The following RNF19A variants were observed in gnomAD, a reference collection of about 807,000 sequenced individuals.
RNF19A encodes the protein ring finger protein 19A, RBR E3 ubiquitin protein ligase.
RNF19A carries 32 observed loss-of-function variants against 75.7 expected under a neutral mutation model. The observed-to-expected ratio is 0.42, with a 90% CI of 0.32 to 0.57. The LOEUF (loss-of-function observed/expected upper bound fraction) is 0.57, where lower values mean the gene tolerates loss of function less well. Ranked by LOEUF, RNF19A falls within the 20% of genes least tolerant of loss-of-function variation. The probability of loss-of-function intolerance (pLI) is 0.10; values close to 1 mark genes in which losing one functional copy is unlikely to be tolerated. For missense variants in RNF19A, 782 were observed against 1,036.3 expected (o/e 0.75, Z 3.37); for synonymous variants, 335 against 345.2 (o/e 0.97, Z 0.33).
In RNF19A at chr8:100,324,532, C is replaced by G. The variant is rs753493241; in HGVS notation, c.-242-11160G>C. 5.9e-5 allele frequency among the ~76,000 whole-genome samples: 9 copies of G among 152,080 alleles called. No homozygotes were observed. The highest frequency in any genetic ancestry group is 1.3e-4 in the Admixed American group (2 of 15,264). On this transcript the variant is annotated intron_variant, in intron 1 of 3. Transcript: ENST00000519527. The surrounding 1 kb of genome is among the most constrained non-coding windows in gnomAD (Gnocchi z 4.2). The stretch of plus-strand genomic sequence containing the variant: ...GAAATCTGGAGGAGAGTGGAAGTTC[C>G]TTTCATTCTCTCCTCTGTCCAAACC...
intron 2 of RNF19A, among the ~76,000 whole-genome samples, chr8:100,286,173 G>T (rs1260033770): frequency 2.0e-5 from 3 of 152,100 alleles, no homozygotes; most frequent in African/African-American, 7.2e-5. Context: ...TTCTGCTCAA[G>T]TTATTTAAAG....
chr8:100,307,251 G>C (rs186535020), intron 1 of RNF19A, among the ~76,000 whole-genome samples: 1 of 152,272 alleles, frequency 6.6e-6, no homozygotes, highest in Non-Finnish European at 1.5e-5. Context: ...TATAACCCGA[G>C]TAGAGAAGAT....
In RNF19A at chr8:100,331,610, C is replaced by T. The variant is rs1822611397; in HGVS notation, c.-243+4498G>A. On this transcript the variant is annotated intron_variant, in intron 1 of 3. Transcript: ENST00000519527. This position sits in a 1 kb window ranked among gnomAD's most constrained non-coding sequence, Gnocchi z 5.2. ...CATGACTGTGCCACTGCACTCCAGCCTGGGTAACAGAGAGAGACAAACAAA... is the reference window on the plus strand; with the variant it reads ...CATGACTGTGCCACTGCACTCCAGCTTGGGTAACAGAGAGAGACAAACAAA... Among the ~76,000 whole-genome samples, 1 of 152,186 alleles carries T rather than the reference C, an allele frequency of 6.6e-6. No homozygotes were observed.
At chr8:100,312,087 G>A (rs887480854), upstream of RNF19A, among the ~76,000 whole-genome samples, 1 of 152,194 alleles carries the variant, frequency 6.6e-6, no homozygotes, top group African/African-American at 2.4e-5. Flanking sequence ...AGAAACCTAG[G>A]ATTGTTCCCA....
rs1236067919 is a variant in RNF19A at position 100,259,851 on chromosome 8, T to C, written c.1826+3A>G. The C allele has an allele frequency of 2.5e-6, 4 of 1,607,538 alleles. No homozygotes were observed. The highest frequency in any genetic ancestry group is 2.7e-5 in the African/African-American group (2 of 74,640). ...TTCAATTTTTTAACAGTTTTTTCCT[T>C]ACTTGTCCAATGGGATGTAGGAATT... is the stretch of plus-strand genomic sequence containing the variant. On this transcript the variant is annotated splice_donor_region_variant and intron_variant, in intron 9 of 9. Transcript: ENST00000341084. This position sits in a 1 kb window ranked among gnomAD's most constrained non-coding sequence, Gnocchi z 4.5.
At chr8:100,278,964 C>G (rs987744861) in intron 2 of RNF19A, among the ~76,000 whole-genome samples, 1 of 152,156 alleles carries the variant, frequency 6.6e-6, no homozygotes, top group East Asian at 1.9e-4. Context: ...ATTTTCTTCT[C>G]AAATTTTTCC....
At position 100,329,801 on chromosome 8, in the gene RNF19A, C is replaced by T. The variant is rs1016211379; in HGVS notation, c.-243+6307G>A. Among the ~76,000 whole-genome samples the T allele has an allele frequency of 6.6e-6, 1 of 152,106 alleles. No individual in the cohort carries two copies. The highest frequency in any genetic ancestry group is 1.5e-5 in the Non-Finnish European group (1 of 68,026). On this transcript the variant is annotated intron_variant, in intron 1 of 3. Coordinates refer to the RNF19A transcript ENST00000519527. This position sits in a 1 kb window ranked among gnomAD's most constrained non-coding sequence, Gnocchi z 4.3. ...CTTCATGGTTTGTTAATCCAGAGGGCAAACTGAGTACTAGATTTCAGCTCA... is the reference window on the plus strand; with the variant it reads ...CTTCATGGTTTGTTAATCCAGAGGGTAAACTGAGTACTAGATTTCAGCTCA...
At chr8:100,294,998 G>A (rs940175551) in intron 1 of RNF19A, among the ~76,000 whole-genome samples, 2 of 152,138 alleles carry the variant, frequency 1.3e-5, no homozygotes, top group African/African-American at 2.4e-5. Flanking sequence ...TATGTTCAGT[G>A]CCTATCATGT....
chr8:100,283,856 G>GGCATTTATAAAAA (rs1324203257), intron 2 of RNF19A, among the ~76,000 whole-genome samples: 2 of 152,088 alleles, frequency 1.3e-5, no homozygotes, highest in African/African-American at 4.8e-5. Context: ...TCCTGACACC[G>GGCATTTATAAAAA]TGGCTAACCA....
Position 100,317,554 on chromosome 8 carries a change from C to T in RNF19A, c.-242-4182G>A, listed in dbSNP as rs1158405251. Among the ~76,000 whole-genome samples, 3 of 152,200 alleles carry T rather than the reference C, an allele frequency of 2.0e-5. No individual in the cohort carries two copies. The highest frequency in any genetic ancestry group is 4.8e-5 in the African/African-American group (2 of 41,456). ...CCCAAAGGTCTTCTTGATGGATTCT[C>T]AGGCGACTGTTCCCATTTGCCTACT... On this transcript the variant is annotated intron_variant, in intron 1 of 3. Coordinates refer to the RNF19A transcript ENST00000519527. This position sits in a 1 kb window ranked among gnomAD's most constrained non-coding sequence, Gnocchi z 4.3.
At position 100,287,956 on chromosome 8, in the gene RNF19A, C is replaced by T; in HGVS notation, c.219G>A (p.Arg73=). 3.1e-6 allele frequency: 5 copies of T among 1,614,116 alleles called. No individual in the cohort carries two copies. The highest frequency in any genetic ancestry group is 3.4e-6 in the Non-Finnish European group (4 of 1,179,996). ...TTGATTTACGTTTGTTATCTTTTTT[C>T]CTCCGAAACAGGGAGCCTATTGAAA... is the stretch of plus-strand genomic sequence containing the variant. ...RRISIGSLFR[R]KKDNKRKSRE... The change falls in exon 2 of 10, where the codon AGG becomes AGA. Residue 73 remains arginine, a synonymous_variant. Coordinates refer to ENST00000341084, the MANE Select transcript of RNF19A (RefSeq NM_183419.4). This position sits in a 1 kb window ranked among gnomAD's most constrained non-coding sequence, Gnocchi z 4.1.
chr8:100,297,226 T>C (rs1266437637), intron 1 of RNF19A, among the ~76,000 whole-genome samples: 1 of 152,244 alleles, frequency 6.6e-6, no homozygotes, highest in African/African-American at 2.4e-5. Context: ...AAGAAAGCAA[T>C]GTTACTAGAT....
rs946952110 is a variant in RNF19A, at chr8:100,324,724, C to T, written c.-242-11352G>A. On this transcript the variant is annotated intron_variant, in intron 1 of 3. Transcript: ENST00000519527. The surrounding 1 kb of genome is among the most constrained non-coding windows in gnomAD (Gnocchi z 4.2). ...GAAAATTCAAAATAAATAAACAGAA[C>T]TTCATGACAAGACATTTTAACAAGA... is the stretch of plus-strand genomic sequence containing the variant. Among the ~76,000 whole-genome samples, 4 of 152,166 alleles carry T rather than the reference C, an allele frequency of 2.6e-5. No individual in the cohort carries two copies. The South Asian group carries it at 8.3e-4, about 31-fold the overall frequency.
At chr8:100,303,778 AAAAAAAAT>A (rs1303584581) in intron 1 of RNF19A, among the ~76,000 whole-genome samples, 3 of 151,178 alleles carry the variant, frequency 2.0e-5, no homozygotes, top group Non-Finnish European at 4.4e-5. Flanking sequence ...AAAAAAAAAA[AAAAAAAAT>A]GATTAGCTGG....
chr8:100,280,376 G>C (rs1220427415), intron 2 of RNF19A, among the ~76,000 whole-genome samples: 4 of 152,182 alleles, frequency 2.6e-5, no homozygotes, highest in Non-Finnish European at 4.4e-5. Flanking sequence ...AGAGAGATGA[G>C]GAGAGAGGAA....
chr8:100,328,466 T>C (rs2130391979), intron 1 of RNF19A, among the ~76,000 whole-genome samples: 1 of 152,108 alleles, frequency 6.6e-6, no homozygotes, highest in East Asian at 1.9e-4. Flanking sequence ...GTTTTTGTTT[T>C]TTGTTTGTTT....
intron 1 of RNF19A, among the ~76,000 whole-genome samples, chr8:100,288,940 G>C (rs1346424460): frequency 6.6e-6 from 1 of 151,592 alleles, no homozygotes; most frequent in African/African-American, 2.4e-5. Flanking sequence ...GGCCCCTGTA[G>C]TCCCAGCTAT....
chr8:100,280,010 T>G (rs1466681142), intron 2 of RNF19A, among the ~76,000 whole-genome samples: 1 of 152,196 alleles, frequency 6.6e-6, no homozygotes, highest in Non-Finnish European at 1.5e-5. Context: ...TTAAGATAGC[T>G]ATCTTAAAGC....
intron 2 of RNF19A, among the ~76,000 whole-genome samples, chr8:100,280,377 G>A (rs1820725838): frequency 6.6e-6 from 1 of 152,198 alleles, no homozygotes; most frequent in African/African-American, 2.4e-5. Context: ...GAGAGATGAG[G>A]AGAGAGGAAG....
Sources: allele counts gnomAD v4.1 joint callset (sites outside exome capture counted in the v4.1 genomes callset), GRCh38; gene constraint gnomAD v4.1.1; non-coding constraint Gnocchi (gnomAD v3.1); transcripts MANE v1.5; gene names NCBI Gene and HGNC (gene_info 2026-07-23, HGNC 2026-07-21).